Variants in TBC1D4 observed in about 807,000 individuals in gnomAD.
The protein encoded by TBC1D4 is TBC (Tre-2, BUB2, CDC16) domain-containing protein.
A neutral mutation model predicts 142.5 loss-of-function variants in TBC1D4; 121 were observed. The ratio of observed to expected loss-of-function variants is 0.85; its 90% CI spans 0.73 to 0.99. The LOEUF (loss-of-function observed/expected upper bound fraction) is 0.99. Ranked by LOEUF, TBC1D4 falls within the 50% of genes least tolerant of loss-of-function variation. The pLI, the probability that TBC1D4 is intolerant of heterozygous loss-of-function variation, is 0.00. For synonymous variants in TBC1D4, 630 were observed against 628.2 expected (o/e 1.00, Z -0.04); for missense variants, 1,475 against 1,606.6 (o/e 0.92, Z 1.40).
chr13:75,342,015 C>CT (rs1880746881), intron 5 of TBC1D4, among the ~76,000 whole-genome samples: 1 of 152,056 alleles, frequency 6.6e-6, no homozygotes, highest in Non-Finnish European at 1.5e-5. Flanking sequence ...AATTCTAGTT[C>CT]TTTTACACCC....
chr13:75,327,087 G>C (rs1288340367), intron 9 of TBC1D4, among the ~76,000 whole-genome samples: 1 of 152,130 alleles, frequency 6.6e-6, no homozygotes, highest in African/African-American at 2.4e-5. Context: ...TATTGCATGG[G>C]TAGAAATCAT....
chr13:75,409,822 C>G (rs1279538684), intron 1 of TBC1D4, among the ~76,000 whole-genome samples: 2 of 152,282 alleles, frequency 1.3e-5, no homozygotes, highest in East Asian at 1.9e-4. Flanking sequence ...TGCTAGATAG[C>G]TATAAAGGTC....
At chr13:75,367,166 C>T (rs1165832741) in intron 1 of TBC1D4, among the ~76,000 whole-genome samples, 1 of 152,140 alleles carries the variant, frequency 6.6e-6, no homozygotes, top group African/African-American at 2.4e-5. Context: ...TTGTTTGGGA[C>T]TAAAGAGCAA....
intron 1 of TBC1D4, among the ~76,000 whole-genome samples, chr13:75,366,506 C>T (rs2138191145): frequency 6.6e-6 from 1 of 152,210 alleles, no homozygotes; most frequent in South Asian, 2.1e-4. Flanking sequence ...TTAAAATGAT[C>T]CATTTCCATT....
chr13:75,411,702 T>A (rs4268647), intron 1 of TBC1D4, among the ~76,000 whole-genome samples: 98,322 of 151,552 alleles, frequency 0.65, 33,479 homozygotes, highest in South Asian at 0.73. Context: ...TTTTTATTTT[T>A]TTTTTTTTTC....
chr13:75,353,349 G>A (rs2138133236), intron 4 of TBC1D4, among the ~76,000 whole-genome samples: 1 of 152,318 alleles, frequency 6.6e-6, no homozygotes, highest in African/African-American at 2.4e-5. Context: ...GATCACAGAT[G>A]AACCAGCACC....
Position 75,302,295 on chromosome 13 carries a change from C to T in TBC1D4, c.2859G>A (p.Lys953=). The T allele has an allele frequency of 3.7e-6, 6 of 1,614,168 alleles. No individual in the cohort carries two copies. Among genetic ancestry groups the T allele is most frequent in the Non-Finnish European group, 5.1e-6 (6 of 1,180,028 alleles). ...GAGCAGTGAGCTGCTTCAAAAGTTC[C>T]TTATAGGATATGTCAGGAGGCTGTT... ...NKQQPPDISY[K]ELLKQLTAQQ... Residue 953 remains lysine (K), a synonymous_variant, in exon 16 of 21, where the codon AAG becomes AAA. Coordinates refer to ENST00000377636, the MANE Select transcript of TBC1D4 (RefSeq NM_014832.5).
chr13:75,478,399 A>G (rs1332071113), intron 1 of TBC1D4, among the ~76,000 whole-genome samples: 2 of 152,314 alleles, frequency 1.3e-5, no homozygotes, highest in African/African-American at 4.8e-5. Context: ...GCATTAAAGG[A>G]ATAGGCATGA....
At chr13:75,297,093 C>A (rs9543895) in intron 17 of TBC1D4, among the ~76,000 whole-genome samples, 12,460 of 152,274 alleles carry the variant, frequency 0.082, 709 homozygotes, top group African/African-American at 0.17. Context: ...AGGACCTACT[C>A]TCCCAGAATA....
chr13:75,298,772 C>T (rs1566349479), intron 17 of TBC1D4, among the ~76,000 whole-genome samples: 2 of 152,114 alleles, frequency 1.3e-5, no homozygotes, highest in Admixed American at 6.6e-5. Context: ...CACATACACA[C>T]ACACACACAC....
intron 8 of TBC1D4, among the ~76,000 whole-genome samples, chr13:75,332,061 T>G (rs1228543769): frequency 6.6e-6 from 1 of 152,174 alleles, no homozygotes; most frequent in Non-Finnish European, 1.5e-5. Flanking sequence ...AGATTGGCTG[T>G]GCCCTTGCTG....
At chr13:75,452,052 TA>T (rs1399152055) in intron 1 of TBC1D4, among the ~76,000 whole-genome samples, 4 of 152,154 alleles carry the variant, frequency 2.6e-5, no homozygotes, top group Non-Finnish European at 5.9e-5. Context: ...AGTATTGTGT[TA>T]TTTTTCTTTT....
intron 1 of TBC1D4, among the ~76,000 whole-genome samples, chr13:75,475,556 G>A (rs546590433): frequency 1.1e-3 from 167 of 152,270 alleles, no homozygotes; most frequent in African/African-American, 3.9e-3. Context: ...CTTTTTGCAT[G>A]ATTTTCTTAA....
chr13:75,350,522 T>C (rs1238474884), intron 4 of TBC1D4, among the ~76,000 whole-genome samples: 1 of 152,210 alleles, frequency 6.6e-6, no homozygotes, highest in Non-Finnish European at 1.5e-5. Context: ...TTTTATACTA[T>C]AAGCAAAAAC....
intron 1 of TBC1D4, among the ~76,000 whole-genome samples, chr13:75,419,417 C>T (rs1886066767): frequency 6.6e-6 from 1 of 152,044 alleles, no homozygotes; most frequent in South Asian, 2.1e-4. Context: ...CAGATTTTTA[C>T]CAACTTTTTA....
intron 13 of TBC1D4, among the ~76,000 whole-genome samples, chr13:75,310,794 C>A (rs77775230): frequency 0.027 from 4,131 of 152,244 alleles, 127 homozygotes; most frequent in African/African-American, 0.067. Flanking sequence ...CAATCCTCAT[C>A]CTCCTCCCAC....
intron 8 of TBC1D4, among the ~76,000 whole-genome samples, chr13:75,329,937 A>T (rs1206023317): frequency 1.3e-5 from 2 of 152,212 alleles, no homozygotes; most frequent in Non-Finnish European, 2.9e-5. Context: ...GCCCTTTGGC[A>T]TTGTGAAATT....
chr13:75,362,454 G>C lies in TBC1D4; in HGVS notation c.652C>G (p.Pro218Ala). The change falls in exon 2 of 21, where the codon CCC (proline) becomes GCC (alanine). Residue 218 changes from proline to alanine, a missense_variant. This residue lies in a region of TBC1D4 where 1,227 missense variants were observed against 1,267.7 expected (regional missense o/e 0.97). Coordinates refer to ENST00000377636, the MANE Select transcript of TBC1D4 (RefSeq NM_014832.5). The surrounding 1 kb of genome is among the most constrained non-coding windows in gnomAD (Gnocchi z 4.2). ...ATGCAGTCATCGATGAGGCTTGAGG[G>C]GGCCTTCTTGTGGGTCACGGTCACC... ...GKVTVTHKKA[P>A]SSLIDDCMEK... is the part of the protein sequence containing the mutation. 6.2e-7 allele frequency: 1 copy of C among 1,614,208 alleles called. No homozygotes were observed. The highest frequency in any genetic ancestry group is 8.5e-7 in the Non-Finnish European group (1 of 1,180,042).
chr13:75,415,019 G>T (rs1419076700), intron 1 of TBC1D4, among the ~76,000 whole-genome samples: 3 of 151,806 alleles, frequency 2.0e-5, no homozygotes. Context: ...AGCTACTTGG[G>T]AGGCTGAGGC....
Sources: allele counts gnomAD v4.1 joint callset (sites outside exome capture counted in the v4.1 genomes callset), GRCh38; gene constraint gnomAD v4.1.1; regional missense constraint gnomAD v4.1.1; non-coding constraint Gnocchi (gnomAD v3.1); transcripts MANE v1.5; gene names NCBI Gene and HGNC (gene_info 2026-07-23, HGNC 2026-07-21).